The following R3HCC1L variants were observed in gnomAD, a reference collection of about 807,000 sequenced individuals.
R3HCC1L encodes the protein R3H domain and coiled-coil containing 1 like, also known as coiled-coil domain-containing protein R3HCC1L.
R3HCC1L carries 51 observed loss-of-function variants against 59.9 expected under a neutral mutation model. The observed-to-expected ratio is 0.85, with a 90% CI of 0.68 to 1.07. The LOEUF is 1.07. R3HCC1L is among the 50% of genes least tolerant of loss of function. R3HCC1L has a pLI of 0.00. For synonymous variants in R3HCC1L, 322 were observed against 315.2 expected, an observed-to-expected ratio of 1.02 and a Z score of -0.23; for missense variants, 965 against 933.0, an observed-to-expected ratio of 1.03 and a Z score of -0.45.
At chr10:98,141,016 T>TA (rs1394992110) in intron 1 of R3HCC1L, among the ~76,000 whole-genome samples, 1 of 152,006 alleles carries the variant, frequency 6.6e-6, no homozygotes, top group Non-Finnish European at 1.5e-5. Context: ...ACATTTTTCA[T>TA]GTTTTTTTTT....
chr10:98,154,828 T>A (rs1359489382), intron 1 of R3HCC1L, among the ~76,000 whole-genome samples: 1 of 152,240 alleles, frequency 6.6e-6, no homozygotes, highest in Non-Finnish European at 1.5e-5. Flanking sequence ...AAATTCACTC[T>A]TGTCAAATTG....
chr10:98,178,008 C>G lies in R3HCC1L; in HGVS notation c.-15+14611C>G, dbSNP rs531000572. 7.2e-5 allele frequency among the ~76,000 whole-genome samples: 11 copies of G among 152,238 alleles called. No homozygotes were observed. The South Asian group carries it at 2.3e-3, about 32-fold the overall frequency. On this transcript the variant is annotated intron_variant, in intron 4 of 9. Coordinates refer to ENST00000298999, the MANE Select transcript of R3HCC1L (RefSeq NM_001351015.2). ...CATTTTCTCCCATTCTGTAGGTTGC[C>G]TGTTCACTCTGATGGTAGTTTCTTT... is the stretch of plus-strand genomic sequence containing the variant.
intron 4 of R3HCC1L, among the ~76,000 whole-genome samples, chr10:98,177,378 G>A (rs1214356726): frequency 1.3e-5 from 2 of 152,202 alleles, no homozygotes; most frequent in Non-Finnish European, 2.9e-5. Context: ...TCTTTTGGCT[G>A]CGTGGTATTC....
chr10:98,203,784 T>C (rs1852307972), intron 4 of R3HCC1L, among the ~76,000 whole-genome samples: 1 of 152,228 alleles, frequency 6.6e-6, no homozygotes, highest in Admixed American at 6.5e-5. Flanking sequence ...ACCAATATTT[T>C]CTCTCAGGGA....
At chr10:98,213,279 A>G (rs1222195465) in intron 5 of R3HCC1L, among the ~76,000 whole-genome samples, 1 of 152,154 alleles carries the variant, frequency 6.6e-6, no homozygotes, top group Non-Finnish European at 1.5e-5. Flanking sequence ...ATAAATCCCT[A>G]ATAGCTAGAT....
chr10:98,229,832 A>G (rs1856145425), intron 5 of R3HCC1L, among the ~76,000 whole-genome samples: 2 of 152,126 alleles, frequency 1.3e-5, no homozygotes, highest in Non-Finnish European at 2.9e-5. Context: ...GCATCTATTG[A>G]GATAATCATG....
chr10:98,185,590 C>T (rs1039129718), intron 4 of R3HCC1L, among the ~76,000 whole-genome samples: 1 of 152,032 alleles, frequency 6.6e-6, no homozygotes. Context: ...CAAACAAACC[C>T]ACAGAACCAA....
intron 4 of R3HCC1L, among the ~76,000 whole-genome samples, chr10:98,195,765 C>T (rs905507211): frequency 6.6e-6 from 1 of 152,158 alleles, no homozygotes; most frequent in Non-Finnish European, 1.5e-5. Context: ...AGAAAAATAA[C>T]TTTGTATCTA....
At chr10:98,172,987 G>GTC (rs922719852) in intron 4 of R3HCC1L, among the ~76,000 whole-genome samples, 2 of 152,182 alleles carry the variant, frequency 1.3e-5, no homozygotes, top group Admixed American at 6.5e-5. Flanking sequence ...ACTTAGGGAT[G>GTC]AGGTAAAGGT....
intron 4 of R3HCC1L, among the ~76,000 whole-genome samples, chr10:98,172,046 C>T (rs1848564028): frequency 6.6e-6 from 1 of 152,152 alleles, no homozygotes; most frequent in African/African-American, 2.4e-5. Context: ...TTTAATCTGT[C>T]CTAGTTTTAA....
At chr10:98,181,170 G>A (rs892771408) in intron 4 of R3HCC1L, among the ~76,000 whole-genome samples, 6 of 152,078 alleles carry the variant, frequency 3.9e-5, no homozygotes, top group Admixed American at 1.3e-4. Context: ...GGCTGGTACC[G>A]GTTGTTCCTT....
At chr10:98,137,061 A>G (rs561588940) in intron 1 of R3HCC1L, among the ~76,000 whole-genome samples, 1 of 152,028 alleles carries the variant, frequency 6.6e-6, no homozygotes, top group African/African-American at 2.4e-5. Flanking sequence ...TACAAAAAAA[A>G]TTAGCTGGGC....
chr10:98,136,088 A>G (rs918316019), intron 1 of R3HCC1L, among the ~76,000 whole-genome samples: 1 of 151,704 alleles, frequency 6.6e-6, no homozygotes, highest in Non-Finnish European at 1.5e-5. Flanking sequence ...CCTGGGCTCA[A>G]ATGATCCTCC....
chr10:98,203,451 G>A (rs1218345841), intron 4 of R3HCC1L, among the ~76,000 whole-genome samples: 2 of 152,148 alleles, frequency 1.3e-5, no homozygotes, highest in Non-Finnish European at 2.9e-5. Context: ...GTTTAGCTAT[G>A]GTGCATTCTG....
At chr10:98,166,622 T>C (rs996619142) in intron 4 of R3HCC1L, among the ~76,000 whole-genome samples, 2 of 152,230 alleles carry the variant, frequency 1.3e-5, no homozygotes, top group Non-Finnish European at 2.9e-5. Context: ...TATCATTTAC[T>C]GCTTTTCTCT....
At chr10:98,148,014 A>G (rs1211916640) in intron 1 of R3HCC1L, among the ~76,000 whole-genome samples, 1 of 152,070 alleles carries the variant, frequency 6.6e-6, no homozygotes, top group Non-Finnish European at 1.5e-5. Context: ...TGTCATTTTA[A>G]CTGTGTTACT....
intron 4 of R3HCC1L, among the ~76,000 whole-genome samples, chr10:98,168,035 C>T (rs1848127376): frequency 6.6e-6 from 1 of 152,194 alleles, no homozygotes; most frequent in South Asian, 2.1e-4. Flanking sequence ...CAGTTAAACC[C>T]AGAATAGACC....
chr10:98,157,450 C>T (rs904473120), intron 2 of R3HCC1L, among the ~76,000 whole-genome samples: 2 of 152,210 alleles, frequency 1.3e-5, no homozygotes, highest in African/African-American at 4.8e-5. Flanking sequence ...TAATCCCAAA[C>T]TTTCTTTCAC....
intron 4 of R3HCC1L, among the ~76,000 whole-genome samples, chr10:98,182,306 G>T (rs1381874882): frequency 6.6e-6 from 1 of 152,144 alleles, no homozygotes; most frequent in Non-Finnish European, 1.5e-5. Context: ...TTTGCTGGAG[G>T]TTCGCTCTGG....
Sources: allele counts gnomAD v4.1 joint callset (sites outside exome capture counted in the v4.1 genomes callset), GRCh38; gene constraint gnomAD v4.1.1; transcripts MANE v1.5; gene names NCBI Gene and HGNC (gene_info 2026-07-23, HGNC 2026-07-21).